The following CD82 variants were observed in gnomAD, a reference collection of about 807,000 sequenced individuals.
CD82 encodes the protein CD82 antigen.
CD82 carries 36 observed loss-of-function variants against 37.4 expected under a neutral mutation model. The observed-to-expected ratio is 0.96, with a 90% CI of 0.74 to 1.27. CD82 has a LOEUF of 1.27. Among genes scored for constraint, CD82 ranks in the 50% most tolerant of loss-of-function variants. The pLI is 0.00. For missense variants in CD82, 340 were observed against 347.0 expected, an observed-to-expected ratio of 0.98 and a Z score of 0.16; for synonymous variants, 158 against 137.4, an observed-to-expected ratio of 1.15 and a Z score of -1.05.
At chr11:44,583,637 C>T (rs952472434) in intron 1 of CD82, among the ~76,000 whole-genome samples, 2 of 152,314 alleles carry the variant, frequency 1.3e-5, no homozygotes, top group African/African-American at 4.8e-5. Flanking sequence ...TTTCAGCTCT[C>T]TAAAATCAGA....
At position 44,619,898 on chromosome 11, in the gene CD82, T is replaced by C. The variant is rs1312927575; in HGVS notation, c.*772T>C. On this transcript the variant is annotated 3_prime_UTR_variant, in exon 10 of 10. Transcript: ENST00000227155. Reference sequence around the variant, plus strand: ...ACATTTATATCTTTATTTTTCACAATTATATTGAAGGCAGTGGGAGAGGGG... The same window carrying C: ...ACATTTATATCTTTATTTTTCACAACTATATTGAAGGCAGTGGGAGAGGGG... 1 of 151,992 alleles carries C rather than the reference T, an allele frequency of 6.6e-6. No individual in the cohort carries two copies. Among genetic ancestry groups the C allele is most frequent in the African/African-American group, 2.4e-5 (1 of 41,338 alleles). The allele number at this position is 151,992 out of a possible 1,614,324, so 9.4% of individuals were successfully genotyped here. A position where few individuals can be genotyped will look rare whatever the true frequency, so the allele number is the denominator to read the frequency against.
chr11:44,589,237 C>T (rs1281488382), intron 2 of CD82, among the ~76,000 whole-genome samples: 1 of 152,196 alleles, frequency 6.6e-6, no homozygotes, highest in Non-Finnish European at 1.5e-5. Context: ...GCCTGGGTGA[C>T]AGAGCAAGAG....
chr11:44,594,722 C>T lies in CD82; in HGVS notation c.60C>T (p.Phe20=). 1 of 1,612,922 alleles carries T rather than the reference C, an allele frequency of 6.2e-7. No homozygotes were observed. Among genetic ancestry groups the T allele is most frequent in the South Asian group, 1.1e-5 (1 of 91,056 alleles). The change falls in exon 3 of 10, where the codon TTC becomes TTT. Residue 20 remains phenylalanine, a synonymous_variant. Coordinates refer to ENST00000227155, the MANE Select transcript of CD82 (RefSeq NM_002231.4). The part of the protein sequence containing the change: ...KYFLFLFNLI[F]FILGAVILGF... ...TTCTCTTCCTCTTCAACTTGATCTT[C>T]TTTGTAAGTATGTCCCATGCCGTCC...
chr11:44,591,125 T>A lies in CD82; in HGVS notation c.-20-3518T>A, dbSNP rs184520643. ...GCACCTTCTCCTCCCTCGGGTGATG[T>A]CCAGATACCTCTGGGTCTGTCCCAC... On this transcript the variant is annotated intron_variant, in intron 2 of 9. Coordinates refer to ENST00000227155, the MANE Select transcript of CD82 (RefSeq NM_002231.4). Among the ~76,000 whole-genome samples, 20 of 152,292 alleles carry A rather than the reference T, an allele frequency of 1.3e-4. No homozygotes were observed. The East Asian group carries it at 3.9e-3, about 29-fold the overall frequency.
intron 3 of CD82, among the ~76,000 whole-genome samples, chr11:44,598,995 A>G (rs1157657205): frequency 6.6e-6 from 1 of 152,226 alleles, no homozygotes; most frequent in Non-Finnish European, 1.5e-5. Flanking sequence ...CTTTGCCCAG[A>G]TGGCAGGCAC....
intron 2 of CD82, among the ~76,000 whole-genome samples, chr11:44,592,878 A>AT (rs890440685): frequency 3.3e-5 from 5 of 152,136 alleles, no homozygotes; most frequent in African/African-American, 1.2e-4. Flanking sequence ...CCCCAGGAGT[A>AT]TTTTTTTAGA....
At chr11:44,605,036 T>C in intron 4 of CD82, 22 bp from the exon 5 acceptor site, 14 of 1,614,126 alleles carry the variant, frequency 8.7e-6, no homozygotes, top group Non-Finnish European at 1.2e-5. Flanking sequence ...CCCACTGATT[T>C]TGTACTTCTT....
Position 44,618,332 on chromosome 11 carries a change from C to T in CD82, c.609C>T (p.Gly203=), listed in dbSNP as rs1026032539. ...CEAPGNRTQS[G]NHPEDWPVYQ... is the part of the protein sequence containing the mutation. ...CCCCCGGCAACAGGACCCAGAGTGG[C>T]AACCACCCTGAGGACTGGCCTGTGT... Residue 203 remains glycine, a synonymous_variant, in exon 8 of 10, where the codon GGC becomes GGT. Transcript: ENST00000227155. 11 of 1,613,594 alleles carry T rather than the reference C, an allele frequency of 6.8e-6. No individual in the cohort carries two copies. The highest frequency in any genetic ancestry group is 9.3e-6 in the Non-Finnish European group (11 of 1,180,002).
chr11:44,576,890 G>A (rs1331691742), intron 1 of CD82, among the ~76,000 whole-genome samples: 1 of 152,172 alleles, frequency 6.6e-6, no homozygotes, highest in Admixed American at 6.5e-5. Flanking sequence ...GTGGGCAGTT[G>A]AGGGATGGTA....
At chr11:44,580,326 C>T (rs570628070) in intron 1 of CD82, among the ~76,000 whole-genome samples, 53 of 152,316 alleles carry the variant, frequency 3.5e-4, no homozygotes, top group South Asian at 1.4e-3. Context: ...ATCAAATACT[C>T]CTAAAGGCCT....
chr11:44,618,856 G>T, intron 9 of CD82, 133 bp downstream of exon 9: 1 of 852,494 alleles, frequency 1.2e-6, no homozygotes. Context: ...TCTGGTCTGA[G>T]CACTGTCTGG....
At chr11:44,572,599 G>A (rs762716826) in intron 1 of CD82, among the ~76,000 whole-genome samples, 2 of 148,524 alleles carry the variant, frequency 1.3e-5, no homozygotes, top group Non-Finnish European at 3.0e-5. Context: ...TCCATTGTCC[G>A]CAGCCGCCCA....
At chr11:44,612,139 A>G (rs1853490950) in intron 6 of CD82, among the ~76,000 whole-genome samples, 1 of 152,250 alleles carries the variant, frequency 6.6e-6, no homozygotes, top group African/African-American at 2.4e-5. Flanking sequence ...AGCCCCAGCT[A>G]TGTGACTCAG....
At chr11:44,607,085 T>C (rs1433872071) in intron 6 of CD82, among the ~76,000 whole-genome samples, 3 of 152,176 alleles carry the variant, frequency 2.0e-5, no homozygotes, top group Admixed American at 6.5e-5. Flanking sequence ...CCAGGGAGGG[T>C]GGCAGAGCCG....
chr11:44,578,721 C>T (rs1852935916), intron 1 of CD82, among the ~76,000 whole-genome samples: 1 of 152,040 alleles, frequency 6.6e-6, no homozygotes, highest in African/African-American at 2.4e-5. Flanking sequence ...GTTGGTTGGC[C>T]CTGGGAAGAG....
Position 44,619,183 on chromosome 11 carries a change from C to CT in CD82, c.*58dup. The CT allele has an allele frequency of 7.6e-7, 1 of 1,316,470 alleles. No individual in the cohort carries two copies. The highest frequency in any genetic ancestry group is 1.1e-6 in the Non-Finnish European group (1 of 908,556). 81.5% of individuals were successfully genotyped at this position (1,316,470 alleles called of 1,614,324 possible). A position where few individuals can be genotyped will look rare whatever the true frequency, so the allele number is the denominator to read the frequency against. On this transcript the variant is annotated 3_prime_UTR_variant, in exon 10 of 10. Transcript: ENST00000227155. ...CCCCAACCTCAGGGCTCCCAGGGGT[C>CT]TCCCTGGCTCCCTCCTCCAGGCCTG...
Position 44,618,341 on chromosome 11 carries a change from T to C in CD82, c.618T>C (p.Pro206=), listed in dbSNP as rs1257299909. 19 of 1,613,214 alleles carry C rather than the reference T, an allele frequency of 1.2e-5. No individual in the cohort carries two copies. Among genetic ancestry groups the C allele is most frequent in the Non-Finnish European group, 1.6e-5 (19 of 1,179,954 alleles). Residue 206 remains proline (P), a synonymous_variant, in exon 8 of 10, where the codon CCT becomes CCC. Coordinates refer to ENST00000227155, the MANE Select transcript of CD82 (RefSeq NM_002231.4). The part of the protein sequence containing the change: ...PGNRTQSGNH[P]EDWPVYQEGC... ...ACAGGACCCAGAGTGGCAACCACCCTGAGGACTGGCCTGTGTACCAGGAGG... is the reference window on the plus strand; with the variant it reads ...ACAGGACCCAGAGTGGCAACCACCCCGAGGACTGGCCTGTGTACCAGGAGG...
chr11:44,583,038 T>C (rs1271839313), intron 1 of CD82, among the ~76,000 whole-genome samples: 1 of 152,240 alleles, frequency 6.6e-6, no homozygotes, highest in Non-Finnish European at 1.5e-5. Context: ...TTTTCTTCTC[T>C]GGGCATCAGT....
intron 1 of CD82, among the ~76,000 whole-genome samples, chr11:44,578,968 G>C (rs892990627): frequency 7.9e-5 from 12 of 152,120 alleles, no homozygotes; most frequent in Non-Finnish European, 1.3e-4. Context: ...GGGCTGTTTG[G>C]GACCCAGATG....
Sources: allele counts gnomAD v4.1 joint callset (sites outside exome capture counted in the v4.1 genomes callset), GRCh38; gene constraint gnomAD v4.1.1; transcripts MANE v1.5; gene names NCBI Gene and HGNC (gene_info 2026-07-23, HGNC 2026-07-21).